The following VIT variants were observed in gnomAD, a reference collection of about 807,000 sequenced individuals.
VIT encodes vitrin.
Under a neutral mutation model 78.0 loss-of-function variants are expected in VIT, and 99 were observed. The observed-to-expected ratio is 1.27, with a 90% CI of 1.08 to 1.50. The LOEUF (loss-of-function observed/expected upper bound fraction) is 1.50. Among genes scored for constraint, VIT ranks in the 40% most tolerant of loss-of-function variants. VIT has a pLI of 0.00. For synonymous variants in VIT, 374 were observed against 334.3 expected, an observed-to-expected ratio of 1.12 and a Z score of -1.29; for missense variants, 1,126 against 875.3, an observed-to-expected ratio of 1.29 and a Z score of -3.61.
chr2:36,749,404 C>G (rs1392206181), intron 4 of VIT, among the ~76,000 whole-genome samples: 1 of 152,070 alleles, frequency 6.6e-6, no homozygotes, highest in Non-Finnish European at 1.5e-5. Context: ...ATGCAGATAC[C>G]GTAACAGAAT....
At chr2:36,774,632 C>T (rs1669945066) in intron 8 of VIT, 1 of 985,420 alleles carries the variant, frequency 1.0e-6, no homozygotes, top group Non-Finnish European at 1.2e-6. Context: ...CCAATGGGCT[C>T]CTCTGGTCAG....
intron 1 of VIT, among the ~76,000 whole-genome samples, chr2:36,713,048 A>G (rs1287043999): frequency 1.1e-4 from 16 of 151,320 alleles, no homozygotes; most frequent in Admixed American, 1.0e-3. Context: ...GGAGCACCAT[A>G]AAAAAATAAA....
intron 9 of VIT, among the ~76,000 whole-genome samples, chr2:36,776,960 G>A (rs1161073815): frequency 2.0e-5 from 3 of 149,808 alleles, no homozygotes; most frequent in Non-Finnish European, 4.5e-5. Context: ...GTGGTGGCGG[G>A]CGCCTGTAGT....
At chr2:36,773,197 T>C (rs1318333020) in intron 7 of VIT, among the ~76,000 whole-genome samples, 3 of 152,230 alleles carry the variant, frequency 2.0e-5, no homozygotes, top group Non-Finnish European at 4.4e-5. Context: ...TTGAGAATTA[T>C]TGTAAGAATA....
intron 3 of VIT, among the ~76,000 whole-genome samples, chr2:36,735,369 T>A (rs760398518): frequency 6.6e-6 from 1 of 152,216 alleles, no homozygotes; most frequent in African/African-American, 2.4e-5. Flanking sequence ...ATTTGGCTTA[T>A]CACATTATTT....
rs1558493091 is a variant in VIT, at chr2:36,696,755, G to GTGTGTGT, written c.-237_-236insTGTGTGT. Reference sequence around the variant, plus strand: ...GCATGTGTGTGTGTGTATGTGTGTGGGGGGGGGTGTAAAATGTGTTTTTCA... The same window carrying GTGTGTGT: ...GCATGTGTGTGTGTGTATGTGTGTGGTGTGTGTGGGGGGGTGTAAAATGTGTTTTTCA... On this transcript the variant is annotated 5_prime_UTR_variant, in exon 1 of 16. It introduces an in-frame stop codon into an upstream open reading frame of the 5' UTR. Transcript: ENST00000379242. 6.8e-4 allele frequency: 103 copies of GTGTGTGT among 152,026 alleles called. No individual in the cohort carries two copies. The highest frequency in any genetic ancestry group is 2.4e-3 in the African/African-American group (99 of 41,418). 9.4% of individuals were successfully genotyped at this position (152,026 alleles called of 1,614,324 possible).
intron 3 of VIT, among the ~76,000 whole-genome samples, chr2:36,732,958 G>A (rs1196795394): frequency 7.2e-5 from 11 of 152,132 alleles, no homozygotes. Context: ...GGTAGAAAAA[G>A]CTAAAAAGTA....
chr2:36,702,070 T>G (rs1367349561), intron 1 of VIT, among the ~76,000 whole-genome samples: 1 of 152,158 alleles, frequency 6.6e-6, no homozygotes, highest in African/African-American at 2.4e-5. Flanking sequence ...GTCAGGGTGA[T>G]GATTTGCATT....
chr2:36,733,233 C>A (rs1236109429), intron 3 of VIT, among the ~76,000 whole-genome samples: 1 of 152,186 alleles, frequency 6.6e-6, no homozygotes, highest in East Asian at 1.9e-4. Context: ...AGCTGTAACT[C>A]CCTCCAGCTC....
Position 36,774,612 on chromosome 2 carries a change from G to C in VIT, c.737-390G>C. 5 of 985,408 alleles carry C rather than the reference G, an allele frequency of 5.1e-6. No homozygotes were observed. In the South Asian group the frequency reaches 1.9e-4, roughly 37 times the overall value. 61.0% of individuals were successfully genotyped at this position (985,408 alleles called of 1,614,324 possible). A position where few individuals can be genotyped will look rare whatever the true frequency, so the allele number is the denominator to read the frequency against. On this transcript the variant is annotated intron_variant, in intron 8 of 15. Coordinates refer to ENST00000379242, the MANE Select transcript of VIT (RefSeq NM_053276.4). ...TTCTGTTTTGCTTGCTACTGGATAG[G>C]AACAGGGGCCCAATGGGCTCCTCTG...
rs1178998294 is a variant in VIT at position 36,759,014 on chromosome 2, A to T, written c.455A>T (p.Tyr152Phe). ...GTAACCTACCCATCAGCTCTTACATACTCATCATCGAAAAGTCCAGCTGCC... is the reference window on the plus strand; with the variant it reads ...GTAACCTACCCATCAGCTCTTACATTCTCATCATCGAAAAGTCCAGCTGCC... The part of the protein sequence containing the change: ...KGVTYPSALT[Y>F]SSSKSPAAQA... The change falls in exon 6 of 16, where the codon TAC (tyrosine) becomes TTC (phenylalanine). Residue 152 changes from tyrosine to phenylalanine, a missense_variant. Tyr to Phe is a conservative substitution (Grantham distance 22). Transcript: ENST00000379242. The T allele has an allele frequency of 5.6e-6, 9 of 1,613,936 alleles. No homozygotes were observed. The highest frequency in any genetic ancestry group is 6.8e-6 in the Non-Finnish European group (8 of 1,180,028).
chr2:36,800,613 GCA>G (rs1399143208), intron 12 of VIT, among the ~76,000 whole-genome samples: 1 of 152,154 alleles, frequency 6.6e-6, no homozygotes, highest in South Asian at 2.1e-4. Context: ...TGGGTGCGAT[GCA>G]CACACACCCG....
intron 12 of VIT, chr2:36,787,887 TC>T (rs1311290633): frequency 4.4e-6 from 2 of 452,986 alleles, no homozygotes; most frequent in African/African-American, 4.0e-5. Flanking sequence ...TAGATGACTT[TC>T]GCCAACCTGC....
chr2:36,775,062 G>A lies in VIT; in HGVS notation c.797G>A (p.Ser266Asn). The change falls in exon 9 of 16, where the codon AGC (serine) becomes AAC (asparagine). Residue 266 changes from serine to asparagine, a missense_variant. Physicochemically the swap from Ser to Asn is conservative, Grantham distance 46. Transcript: ENST00000379242. ...AFQKPVGADV[S>N]LGEMDSWKPG... The stretch of plus-strand genomic sequence containing the variant: ...CAGAAACCTGTTGGAGCGGATGTCA[G>A]CCTGGGTAAGCTGCCCACTGCTTAC... 1 of 1,613,856 alleles carries A rather than the reference G, an allele frequency of 6.2e-7. No individual in the cohort carries two copies. The highest frequency in any genetic ancestry group is 8.5e-7 in the Non-Finnish European group (1 of 1,180,002).
intron 2 of VIT, 34 bp downstream of exon 2, chr2:36,716,456 T>A (rs747528161): frequency 1.0e-5 from 16 of 1,606,190 alleles, no homozygotes. Flanking sequence ...TGGATACCCT[T>A]TTAAAATTTT....
At chr2:36,712,925 C>T (rs72783133) in intron 1 of VIT, among the ~76,000 whole-genome samples, 12 of 152,288 alleles carry the variant, frequency 7.9e-5, no homozygotes, top group Non-Finnish European at 1.8e-4. Flanking sequence ...CTTTAAATTT[C>T]CTAGGGAAAA....
chr2:36,715,523 GA>G (rs1666071473), intron 1 of VIT, among the ~76,000 whole-genome samples: 1 of 150,682 alleles, frequency 6.6e-6, no homozygotes, highest in Non-Finnish European at 1.5e-5. Flanking sequence ...GTGACAGAGT[GA>G]GACTACGTCT....
chr2:36,783,430 C>A, intron 11 of VIT, 28 bp downstream of exon 11: 4 of 1,611,830 alleles, frequency 2.5e-6, no homozygotes, highest in Non-Finnish European at 3.4e-6. Context: ...TAGAAACCCA[C>A]GGTGTCTTTG....
At chr2:36,768,056 T>G (rs13019689) in intron 7 of VIT, among the ~76,000 whole-genome samples, 75,520 of 152,072 alleles carry the variant, frequency 0.5, 20,464 homozygotes, top group East Asian at 0.66. Context: ...TTGCAGTCAC[T>G]ACTGCCACAT....
Sources: allele counts gnomAD v4.1 joint callset (sites outside exome capture counted in the v4.1 genomes callset), GRCh38; gene constraint gnomAD v4.1.1; transcripts MANE v1.5; gene names NCBI Gene and HGNC (gene_info 2026-07-23, HGNC 2026-07-21).